The following DLGAP2 variants were observed in gnomAD, a reference collection of about 807,000 sequenced individuals.
The protein encoded by DLGAP2 is disks large-associated protein 2.
DLGAP2 carries 26 observed loss-of-function variants against 100.3 expected under a neutral mutation model. The ratio of observed to expected loss-of-function variants is 0.26; its 90% CI spans 0.19 to 0.36. The LOEUF (loss-of-function observed/expected upper bound fraction) is 0.36, where lower values mean the gene tolerates loss of function less well. DLGAP2 is among the 10% of genes least tolerant of loss of function. DLGAP2 has a pLI of 1.00. For synonymous variants in DLGAP2, 886 were observed against 630.1 expected, an observed-to-expected ratio of 1.41 and a Z score of -6.08; for missense variants, 1,858 against 1,453.2, an observed-to-expected ratio of 1.28 and a Z score of -4.53.
intron 10 of DLGAP2, among the ~76,000 whole-genome samples, chr8:1,671,559 A>G (rs548909318): frequency 6.6e-6 from 1 of 152,124 alleles, no homozygotes; most frequent in East Asian, 1.9e-4. Context: ...CCACAATGCA[A>G]CTCCCTTGTT....
intron 2 of DLGAP2, among the ~76,000 whole-genome samples, chr8:1,045,578 A>G (rs1188771210): frequency 6.6e-6 from 1 of 152,176 alleles, no homozygotes; most frequent in African/African-American, 2.4e-5. Flanking sequence ...GCTGGGCATC[A>G]GTCTCTTGAC....
At chr8:1,527,353 C>G (rs774999379) in intron 4 of DLGAP2, among the ~76,000 whole-genome samples, 1 of 152,368 alleles carries the variant, frequency 6.6e-6, no homozygotes, top group Non-Finnish European at 1.5e-5. Flanking sequence ...GGCCACCTGG[C>G]ACATCTCTGA....
chr8:984,264 G>A (rs746294099), intron 2 of DLGAP2, among the ~76,000 whole-genome samples: 8 of 152,204 alleles, frequency 5.3e-5, no homozygotes, highest in Admixed American at 1.3e-4. Context: ...TTCTATGCGA[G>A]GTGAGCTGTC....
chr8:965,894 G>C (rs1335513056), intron 2 of DLGAP2, among the ~76,000 whole-genome samples: 1 of 151,858 alleles, frequency 6.6e-6, no homozygotes, highest in Non-Finnish European at 1.5e-5. Flanking sequence ...GTTCACCACC[G>C]CATGTGGCTC....
intron 3 of DLGAP2, among the ~76,000 whole-genome samples, chr8:1,307,571 C>T (rs1030401093): frequency 1.3e-5 from 2 of 152,142 alleles, no homozygotes; most frequent in Non-Finnish European, 2.9e-5. Context: ...TACTCATGCT[C>T]AAGCAGTATT....
At chr8:1,389,447 C>A (rs1394337420) in intron 3 of DLGAP2, among the ~76,000 whole-genome samples, 2 of 152,114 alleles carry the variant, frequency 1.3e-5, no homozygotes, top group African/African-American at 4.8e-5. Context: ...AGGGGCCCTG[C>A]TGAGGGTACT....
At chr8:918,299 T>G (rs1297760627) in intron 2 of DLGAP2, among the ~76,000 whole-genome samples, 2 of 152,234 alleles carry the variant, frequency 1.3e-5, no homozygotes, top group African/African-American at 4.8e-5. Context: ...TTATTTGGTT[T>G]CAGCCAGTCA....
chr8:831,972 G>A (rs924863392), intron 1 of DLGAP2, among the ~76,000 whole-genome samples: 2 of 152,162 alleles, frequency 1.3e-5, no homozygotes, highest in Non-Finnish European at 2.9e-5. Context: ...GTGATGATGA[G>A]CTTTTTTTCA....
At chr8:854,637 TTG>T (rs1198436111) in intron 1 of DLGAP2, among the ~76,000 whole-genome samples, 2 of 152,286 alleles carry the variant, frequency 1.3e-5, no homozygotes, top group South Asian at 2.1e-4. Flanking sequence ...ACGTGTCTTT[TTG>T]TGTGTGCATG....
At chr8:763,275 A>G (rs1452599835) in intron 1 of DLGAP2, among the ~76,000 whole-genome samples, 1 of 152,208 alleles carries the variant, frequency 6.6e-6, no homozygotes, top group Admixed American at 6.5e-5. Flanking sequence ...GTATTTATTG[A>G]GAAGGTTGCT....
At chr8:1,310,869 G>A (rs1375613703) in intron 3 of DLGAP2, among the ~76,000 whole-genome samples, 1 of 152,052 alleles carries the variant, frequency 6.6e-6, no homozygotes, top group Non-Finnish European at 1.5e-5. Flanking sequence ...TTAATAACAG[G>A]AGGAAAACTG....
At chr8:1,111,389 T>C (rs1454278342) in intron 2 of DLGAP2, among the ~76,000 whole-genome samples, 1 of 149,362 alleles carries the variant, frequency 6.7e-6, no homozygotes, top group African/African-American at 2.5e-5. Context: ...GGCGTGTTTC[T>C]TTTTTTTTTC....
At chr8:1,161,188 A>T (rs1796882164) in intron 2 of DLGAP2, among the ~76,000 whole-genome samples, 3 of 152,284 alleles carry the variant, frequency 2.0e-5, no homozygotes, top group Non-Finnish European at 4.4e-5. Flanking sequence ...AAACACATCG[A>T]TGTATCCTAC....
intron 2 of DLGAP2, chr8:910,434 C>T (rs1315039641): frequency 6.6e-6 from 1 of 152,198 alleles, no homozygotes; most frequent in African/African-American, 2.4e-5. Flanking sequence ...CTTTCCCATA[C>T]GGTCTTGTTC....
chr8:744,707 C>T (rs1043687618), intron 1 of DLGAP2, among the ~76,000 whole-genome samples: 1 of 152,130 alleles, frequency 6.6e-6, no homozygotes, highest in African/African-American at 2.4e-5. Context: ...GGGGTGCTGG[C>T]TGTCTGCTTC....
intron 2 of DLGAP2, among the ~76,000 whole-genome samples, chr8:980,655 C>T (rs887317737): frequency 6.6e-5 from 10 of 152,238 alleles, no homozygotes; most frequent in East Asian, 3.9e-4. Context: ...GAGGAGGAGT[C>T]AGTTAAAGCA....
chr8:1,196,451 T>A (rs1018114789), intron 2 of DLGAP2, among the ~76,000 whole-genome samples: 1 of 152,164 alleles, frequency 6.6e-6, no homozygotes, highest in Non-Finnish European at 1.5e-5. Context: ...GAGACAGTGA[T>A]CCTGTGCCCC....
chr8:795,616 TGTCCAGTGAGAGCAGGC>T, intron 1 of DLGAP2, among the ~76,000 whole-genome samples: 1 of 147,876 alleles, frequency 6.8e-6, no homozygotes, highest in African/African-American at 2.5e-5. Flanking sequence ...ATGGAGCAGG[TGTCCAGTGAGAGCAGGC>T]GTCCAGTGAG....
At chr8:1,437,349 G>C (rs1446331872) in intron 3 of DLGAP2, among the ~76,000 whole-genome samples, 1 of 152,270 alleles carries the variant, frequency 6.6e-6, no homozygotes, top group Non-Finnish European at 1.5e-5. Flanking sequence ...ACAACCACGA[G>C]GCCACCTTAC....
Sources: allele counts gnomAD v4.1 joint callset (sites outside exome capture counted in the v4.1 genomes callset), GRCh38; gene constraint gnomAD v4.1.1; transcripts MANE v1.5; gene names NCBI Gene and HGNC (gene_info 2026-07-23, HGNC 2026-07-21).